The following SNX4 variants were observed in gnomAD, a reference collection of about 807,000 sequenced individuals.
The protein encoded by SNX4 is sorting nexin-4.
SNX4 carries 49 observed loss-of-function variants against 70.8 expected under a neutral mutation model. That is an observed-to-expected ratio of 0.69 (90% CI 0.55 to 0.88). The LOEUF is 0.88. SNX4 is among the 40% of genes least tolerant of loss of function. SNX4 has a pLI of 0.00. For synonymous variants in SNX4, 206 were observed against 183.8 expected, an observed-to-expected ratio of 1.12 and a Z score of -0.98; for missense variants, 528 against 544.8, an observed-to-expected ratio of 0.97 and a Z score of 0.31.
chr3:125,512,766 C>A (rs1036545684), intron 1 of SNX4, among the ~76,000 whole-genome samples: 1 of 134,178 alleles, frequency 7.5e-6, no homozygotes, highest in African/African-American at 3.2e-5. Context: ...TCAACAGATA[C>A]AACAACTTTT....
At chr3:125,486,090 C>T (rs1426096634) in intron 6 of SNX4, among the ~76,000 whole-genome samples, 9 of 152,072 alleles carry the variant, frequency 5.9e-5, no homozygotes, top group African/African-American at 1.4e-4. Flanking sequence ...CCACCCACCT[C>T]GGCCTCCCAA....
At chr3:125,465,910 T>C (rs923756285) in intron 9 of SNX4, among the ~76,000 whole-genome samples, 2 of 152,180 alleles carry the variant, frequency 1.3e-5, no homozygotes, top group Non-Finnish European at 2.9e-5. Flanking sequence ...CCCAAACAGC[T>C]GAGATTAAAA....
chr3:125,463,303 C>A (rs1933928836), intron 9 of SNX4, among the ~76,000 whole-genome samples: 1 of 152,122 alleles, frequency 6.6e-6, no homozygotes. Flanking sequence ...GTAGGAAAAC[C>A]TGCCTTTAGT....
chr3:125,495,275 T>TATAC (rs1553727789), intron 5 of SNX4, among the ~76,000 whole-genome samples: 10,178 of 83,030 alleles, frequency 0.12, 1,120 homozygotes, highest in South Asian at 0.18. Flanking sequence ...TATATATATA[T>TATAC]ATACACATAC....
intron 5 of SNX4, among the ~76,000 whole-genome samples, chr3:125,489,972 C>CA (rs1030153325): frequency 2.6e-5 from 4 of 151,930 alleles, no homozygotes; most frequent in African/African-American, 7.3e-5. Flanking sequence ...ACTAAAAATA[C>CA]AAAAAAATTA....
chr3:125,467,295 G>A (rs1281308856), intron 9 of SNX4, among the ~76,000 whole-genome samples: 1 of 151,262 alleles, frequency 6.6e-6, no homozygotes, highest in East Asian at 2.0e-4. Context: ...GCTGAGTCAG[G>A]AGAATTGCTT....
intron 10 of SNX4, among the ~76,000 whole-genome samples, chr3:125,459,139 A>ACTC (rs1933810150): frequency 6.6e-6 from 1 of 152,270 alleles, no homozygotes; most frequent in East Asian, 1.9e-4. Context: ...GTGCCACTGT[A>ACTC]CTCCAGTCTG....
intron 8 of SNX4, among the ~76,000 whole-genome samples, chr3:125,471,193 A>C (rs2107538162): frequency 6.6e-6 from 1 of 151,928 alleles, no homozygotes; most frequent in South Asian, 2.1e-4. Context: ...AAAAATACAA[A>C]ATTAGCCAGG....
intron 9 of SNX4, among the ~76,000 whole-genome samples, chr3:125,466,316 A>G (rs1456052136): frequency 6.6e-6 from 1 of 151,788 alleles, no homozygotes; most frequent in African/African-American, 2.4e-5. Context: ...TAGACTAAGG[A>G]CTTAAATGTA....
intron 7 of SNX4, among the ~76,000 whole-genome samples, chr3:125,477,682 C>T (rs1240629656): frequency 6.6e-6 from 1 of 152,198 alleles, no homozygotes; most frequent in Non-Finnish European, 1.5e-5. Context: ...AGAACCGCCA[C>T]TGCAAATACT....
intron 6 of SNX4, among the ~76,000 whole-genome samples, chr3:125,487,242 C>T (rs757227541): frequency 1.0e-3 from 157 of 152,028 alleles, no homozygotes; most frequent in Non-Finnish European, 1.9e-3. Flanking sequence ...CACAATTATC[C>T]AGAATTTAAG....
Position 125,489,443 on chromosome 3 carries a change from C to T in SNX4, c.618G>A (p.Ala206=), listed in dbSNP as rs73862103. 29 of 1,613,082 alleles carry T rather than the reference C, an allele frequency of 1.8e-5. No homozygotes were observed. The highest frequency in any genetic ancestry group is 9.3e-5 in the African/African-American group (7 of 74,890). The change falls in exon 6 of 14, where the codon GCG becomes GCA. Residue 206 remains alanine (A), a synonymous_variant. Coordinates refer to ENST00000251775, the MANE Select transcript of SNX4 (RefSeq NM_003794.4). ...FQLKADSRLK[A]LNATFRVKNP... is the part of the protein sequence containing the mutation. Reference sequence around the variant, plus strand: ...TTTTCACTCTGAATGTTGCATTAAGCGCTTTTAACCTGGAGTCTGCCTGGA... The same window carrying T: ...TTTTCACTCTGAATGTTGCATTAAGTGCTTTTAACCTGGAGTCTGCCTGGA...
intron 1 of SNX4, among the ~76,000 whole-genome samples, chr3:125,509,972 A>T (rs1692625276): frequency 6.6e-6 from 1 of 152,122 alleles, no homozygotes; most frequent in African/African-American, 2.4e-5. Flanking sequence ...GTTGGTGAGG[A>T]TGTGGAGAAA....
chr3:125,497,201 T>C (rs1934814705), intron 5 of SNX4, 140 bp downstream of exon 5: 2 of 558,474 alleles, frequency 3.6e-6, no homozygotes, highest in African/African-American at 2.0e-5. Flanking sequence ...AGTGTTTCTT[T>C]GAAAACCTTA....
chr3:125,503,713 C>G (rs1934980550), intron 2 of SNX4, among the ~76,000 whole-genome samples: 2 of 152,166 alleles, frequency 1.3e-5, no homozygotes, highest in Admixed American at 1.3e-4. Flanking sequence ...TATTCTTTTA[C>G]AGAATTGCAC....
At chr3:125,506,817 T>TGAAAAAAAAAAAAAAAAAAAAAA (rs199752160) in intron 1 of SNX4, among the ~76,000 whole-genome samples, 1 of 26,820 alleles carries the variant, frequency 3.7e-5, no homozygotes, top group African/African-American at 9.7e-5. Context: ...GTGGAGAAAG[T>TGAAAAAAAAAAAAAAAAAAAAAA]AAAAAAAAAA....
At chr3:125,481,950 A>G (rs1934421336) in intron 6 of SNX4, among the ~76,000 whole-genome samples, 1 of 151,444 alleles carries the variant, frequency 6.6e-6, no homozygotes, top group Non-Finnish European at 1.5e-5. Context: ...CAGTGGCTTG[A>G]TCCTAGCTCA....
chr3:125,476,338 T>C (rs1172269460), intron 8 of SNX4, among the ~76,000 whole-genome samples: 1 of 145,950 alleles, frequency 6.9e-6, no homozygotes, highest in Non-Finnish European at 1.5e-5. Context: ...TTCGGAGGCC[T>C]AGGCAGGCAG....
At chr3:125,496,444 T>C (rs1934795449) in intron 5 of SNX4, among the ~76,000 whole-genome samples, 1 of 152,172 alleles carries the variant, frequency 6.6e-6, no homozygotes, top group Non-Finnish European at 1.5e-5. Context: ...ATGGGAAGTG[T>C]TTTTTAAATT....
Sources: gnomAD v4.1 joint callset for allele counts (sites outside exome capture counted in the v4.1 genomes callset) on GRCh38, gnomAD v4.1.1 for gene constraint, MANE v1.5 for transcripts, NCBI Gene and HGNC (gene_info 2026-07-23, HGNC 2026-07-21) for gene names.